The following PYGB variants were observed in gnomAD, a reference collection of about 807,000 sequenced individuals.
PYGB encodes glycogen phosphorylase, brain form.
PYGB carries 82 observed loss-of-function variants against 94.3 expected under a neutral mutation model. That is an observed-to-expected ratio of 0.87 (90% CI 0.73 to 1.04). The LOEUF (loss-of-function observed/expected upper bound fraction) is 1.04, where lower values mean the gene tolerates loss of function less well. Ranked by LOEUF, PYGB falls within the 50% of genes least tolerant of loss-of-function variation. PYGB has a pLI of 0.00. For missense variants in PYGB, 1,132 were observed against 1,158.2 expected (o/e 0.98, Z 0.33); for synonymous variants, 488 against 479.1 (o/e 1.02, Z -0.24).
intron 2 of PYGB, among the ~76,000 whole-genome samples, chr20:25,263,111 C>T (rs1461015097): frequency 1.3e-5 from 2 of 152,116 alleles, no homozygotes; most frequent in African/African-American, 2.4e-5. Flanking sequence ...CTGCACCAAG[C>T]GGACCTAATA....
chr20:25,248,651 G>C (rs1177826311), intron 1 of PYGB, among the ~76,000 whole-genome samples: 1 of 149,532 alleles, frequency 6.7e-6, no homozygotes, highest in Non-Finnish European at 1.5e-5. Context: ...GGGAGCCCGC[G>C]CCTGGCGGGG....
At chr20:25,267,533 CATT>C (rs752376033) in intron 2 of PYGB, among the ~76,000 whole-genome samples, 95 of 120,086 alleles carry the variant, frequency 7.9e-4, no homozygotes, top group African/African-American at 1.3e-3. Flanking sequence ...CTTTTTGTGT[CATT>C]GTTGTTGTTG....
At chr20:25,288,600 G>A (rs375507816) in intron 15 of PYGB, 117 bp downstream of exon 15, 89 of 1,229,108 alleles carry the variant, frequency 7.2e-5, no homozygotes, top group Admixed American at 1.2e-4. Flanking sequence ...GATGCCCAGC[G>A]GTCACCGGCC....
Position 25,297,366 on chromosome 20 carries a change from T to C in PYGB, c.*844T>C, listed in dbSNP as rs1447339512. On this transcript the variant is annotated 3_prime_UTR_variant, in exon 20 of 20. Coordinates refer to ENST00000216962, the MANE Select transcript of PYGB (RefSeq NM_002862.4). The stretch of plus-strand genomic sequence containing the variant: ...CAACTGAAAATTGTACTTGGTCACT[T>C]TTGTGCTTGAGGAGGCCCATTTTCT... 1 of 152,402 alleles carries C rather than the reference T, an allele frequency of 6.6e-6. No individual in the cohort carries two copies. Among genetic ancestry groups the C allele is most frequent in the African/African-American group, 2.4e-5 (1 of 41,478 alleles). 9.4% of individuals were successfully genotyped at this position (152,402 alleles called of 1,614,324 possible).
chr20:25,293,300 C>T (rs2088490129), intron 17 of PYGB, among the ~76,000 whole-genome samples: 1 of 152,070 alleles, frequency 6.6e-6, no homozygotes, highest in African/African-American at 2.4e-5. Context: ...TCCAACTCCA[C>T]CGGGGTTCTG....
Position 25,283,295 on chromosome 20 carries a change from C to A in PYGB, c.1620+18C>A. The A allele has an allele frequency of 6.2e-7, 1 of 1,601,758 alleles. No individual in the cohort carries two copies. Among genetic ancestry groups the A allele is most frequent in the Non-Finnish European group, 8.5e-7 (1 of 1,170,404 alleles). ...TCAAACAGGTAGGCATGGCCCTGGC[C>A]CCAGCCCCGACCCCAGCCCTCCCAC... On this transcript the variant is annotated intron_variant, in intron 13 of 19. Transcript: ENST00000216962.
chr20:25,281,156 C>T, intron 11 of PYGB, 44 bp downstream of exon 11: 2 of 1,606,068 alleles, frequency 1.2e-6, no homozygotes, highest in Admixed American at 1.7e-5. Flanking sequence ...CTGTCTGACA[C>T]CCAGGCCTGC....
intron 3 of PYGB, among the ~76,000 whole-genome samples, chr20:25,269,538 G>A (rs1308021411): frequency 2.0e-5 from 3 of 152,198 alleles, no homozygotes; most frequent in Non-Finnish European, 4.4e-5. Flanking sequence ...ATGGAAAGAT[G>A]ATTTCTGAAC....
intron 14 of PYGB, among the ~76,000 whole-genome samples, chr20:25,287,194 C>A (rs1288751456): frequency 6.6e-6 from 1 of 152,254 alleles, no homozygotes; most frequent in Non-Finnish European, 1.5e-5. Flanking sequence ...GACCCTCCAT[C>A]CACTTCTGTG....
intron 6 of PYGB, among the ~76,000 whole-genome samples, 189 bp from the exon 7 acceptor site, chr20:25,277,055 G>GGT (rs2088319056): frequency 6.6e-6 from 1 of 152,036 alleles, no homozygotes; most frequent in Admixed American, 6.5e-5. Flanking sequence ...AGTTGTGTGC[G>GGT]GTACATAGGG....
At chr20:25,289,947 C>T (rs768701620) in intron 15 of PYGB, 8 of 533,594 alleles carry the variant, frequency 1.5e-5, no homozygotes, top group South Asian at 1.1e-4. Flanking sequence ...CATGGGTCCC[C>T]TGCCCAGTTG....
At chr20:25,270,554 C>G (rs6050508) in intron 3 of PYGB, among the ~76,000 whole-genome samples, 9,862 of 152,038 alleles carry the variant, frequency 0.065, 988 homozygotes, top group African/African-American at 0.22. Flanking sequence ...CTGGAGTGCA[C>G]TGGCACAATC....
At chr20:25,288,004 C>G (rs1446024348) in intron 14 of PYGB, among the ~76,000 whole-genome samples, 1 of 152,148 alleles carries the variant, frequency 6.6e-6, no homozygotes, top group Non-Finnish European at 1.5e-5. Flanking sequence ...AAACAAAACC[C>G]ACAAGTGTGC....
rs772616687 is a variant in PYGB at position 25,266,290 on chromosome 20, T to G, written c.346-2839T>G. Among the ~76,000 whole-genome samples, 31 of 152,084 alleles carry G rather than the reference T, an allele frequency of 2.0e-4. 1 individual carries two copies. The highest frequency in any genetic ancestry group is 4.0e-4 in the Non-Finnish European group (27 of 68,032). On this transcript the variant is annotated intron_variant, in intron 2 of 19. Transcript: ENST00000216962. ...TAAAGGAAATAGGTACCAAAACAAT[T>G]CAGTGGAGAACGATGTCTTTTCAAC...
At chr20:25,269,054 T>C (rs1043443417) in intron 2 of PYGB, 75 bp from the exon 3 acceptor site, 1 of 1,268,656 alleles carries the variant, frequency 7.9e-7, no homozygotes, top group Non-Finnish European at 1.2e-6. Context: ...TCACAAGACT[T>C]ACACATCTTT....
chr20:25,274,390 T>C lies in PYGB; in HGVS notation c.529-202T>C, dbSNP rs117439069. Among the ~76,000 whole-genome samples, 124 of 152,304 alleles carry C rather than the reference T, an allele frequency of 8.1e-4. 3 individuals carry two copies. In the East Asian group the frequency reaches 0.022, roughly 28 times the overall value. The stretch of plus-strand genomic sequence containing the variant: ...TGGGCACGTGTTTCTAAATTTTGAG[T>C]TTGTTACTTTAGTGTCCACTGTGTT... On this transcript the variant is annotated intron_variant, in intron 4 of 19. Coordinates refer to ENST00000216962, the MANE Select transcript of PYGB (RefSeq NM_002862.4).
intron 2 of PYGB, among the ~76,000 whole-genome samples, chr20:25,265,285 ATT>A (rs35189278): frequency 6.0e-5 from 9 of 150,964 alleles, no homozygotes; most frequent in African/African-American, 2.2e-4. Context: ...TCCATTCTTA[ATT>A]TTTTTTTTGG....
In PYGB at chr20:25,284,123, C is replaced by T. The variant is rs143142471; in HGVS notation, c.1640C>T (p.Ser547Leu). ...KVKQENKLKF[S>L]AFLEKEYKVK... ...TCCCAGGAGAACAAGCTCAAGTTCT[C>T]GGCCTTCCTGGAGAAGGAGTACAAG... is the stretch of plus-strand genomic sequence containing the variant. Residue 547 changes from serine to leucine, a missense_variant, in exon 14 of 20, where the codon TCG becomes TTG. Ser to Leu is a moderately radical substitution (Grantham distance 145). Transcript: ENST00000216962. 49 of 1,614,032 alleles carry T rather than the reference C, an allele frequency of 3.0e-5. No individual in the cohort carries two copies. Among genetic ancestry groups the T allele is most frequent in the African/African-American group, 1.7e-4 (13 of 75,036 alleles).
In PYGB at chr20:25,259,356, C is replaced by T. The variant is rs74319903; in HGVS notation, c.345+18C>T. On this transcript the variant is annotated intron_variant, in intron 2 of 19. Coordinates refer to ENST00000216962, the MANE Select transcript of PYGB (RefSeq NM_002862.4). ...TCTATCAGGTACAGAGCCTCATGGC[C>T]GGGCTTCTGGGTGGCCCCTCGTGGT... 101 of 1,572,630 alleles carry T rather than the reference C, an allele frequency of 6.4e-5. No individual in the cohort carries two copies. The African/African-American group carries it at 9.3e-4, about 15-fold the overall frequency.
Sources: allele counts gnomAD v4.1 joint callset (sites outside exome capture counted in the v4.1 genomes callset), GRCh38; gene constraint gnomAD v4.1.1; transcripts MANE v1.5; gene names NCBI Gene and HGNC (gene_info 2026-07-23, HGNC 2026-07-21).